The following LIMCH1 variants were observed in gnomAD, a reference collection of about 807,000 sequenced individuals.
The protein encoded by LIMCH1 is LIM and calponin homology domains 1, also known as LIM and calponin homology domains-containing protein 1.
A neutral mutation model predicts 176.5 loss-of-function variants in LIMCH1; 113 were observed. The observed-to-expected ratio is 0.64, with a 90% CI of 0.55 to 0.75. The LOEUF is 0.75. Ranked by LOEUF, LIMCH1 falls within the 30% of genes least tolerant of loss-of-function variation. The pLI is 0.00. For missense variants in LIMCH1, 1,674 were observed against 1,814.9 expected (o/e 0.92, Z 1.41); for synonymous variants, 619 against 645.9 (o/e 0.96, Z 0.63).
At chr4:41,440,136 CT>C (rs2062549917) in intron 1 of LIMCH1, among the ~76,000 whole-genome samples, 1 of 152,096 alleles carries the variant, frequency 6.6e-6, no homozygotes, top group South Asian at 2.1e-4. Context: ...ATTAAATAAA[CT>C]TGAGCATTAA....
At chr4:41,492,139 G>A (rs767522060) in intron 1 of LIMCH1, among the ~76,000 whole-genome samples, 9 of 152,202 alleles carry the variant, frequency 5.9e-5, no homozygotes, top group East Asian at 1.9e-4. Context: ...GCGAGACTCC[G>A]TCTGCAATCC....
At chr4:41,390,285 C>G (rs553842258) in intron 1 of LIMCH1, among the ~76,000 whole-genome samples, 1 of 142,414 alleles carries the variant, frequency 7.0e-6, no homozygotes, top group South Asian at 2.3e-4. Context: ...CGAGAGCGCT[C>G]CTCATGCTGG....
intron 2 of LIMCH1, among the ~76,000 whole-genome samples, chr4:41,511,756 T>A (rs555365640): frequency 6.6e-6 from 1 of 152,352 alleles, no homozygotes; most frequent in Admixed American, 6.5e-5. Context: ...AGTAAAATGC[T>A]ACAATTTTAA....
Position 41,360,800 on chromosome 4 carries a change from C to A in LIMCH1, c.-41C>A. The A allele has an allele frequency of 1.4e-6, 2 of 1,460,478 alleles. No individual in the cohort carries two copies. The highest frequency in any genetic ancestry group is 1.8e-6 in the Non-Finnish European group (2 of 1,090,894). The allele number at this position is 1,460,478 out of a possible 1,614,324, so 90.5% of individuals were successfully genotyped here. A position where few individuals can be genotyped will look rare whatever the true frequency, so the allele number is the denominator to read the frequency against. On this transcript the variant is annotated 5_prime_UTR_variant, in exon 1 of 27. Transcript: ENST00000313860. This position sits in a 1 kb window ranked among gnomAD's most constrained non-coding sequence, Gnocchi z 4.5. ...CTCCTGCGGCGGCGACGGCGGCGGC[C>A]GTCCTCATCCCGGCGCTTGAGAGGA...
chr4:41,679,907 T>A, intron 23 of LIMCH1, 99 bp from the exon 24 acceptor site: 1 of 680,576 alleles, frequency 1.5e-6, no homozygotes, highest in East Asian at 2.9e-5. Flanking sequence ...AAGAAGAAGA[T>A]AATCTTGCAA....
At chr4:41,565,414 CAT>C (rs540044783) in intron 1 of LIMCH1, among the ~76,000 whole-genome samples, 579 of 147,772 alleles carry the variant, frequency 3.9e-3, no homozygotes, top group Middle Eastern at 0.018. Flanking sequence ...CACACACACA[CAT>C]ATATATGATA....
intron 1 of LIMCH1, among the ~76,000 whole-genome samples, chr4:41,402,047 T>G (rs1333968587): frequency 6.6e-6 from 1 of 152,184 alleles, no homozygotes; most frequent in Non-Finnish European, 1.5e-5. Context: ...CTAATTGCCC[T>G]GGCCAGAACT....
chr4:41,533,182 A>T (rs2077509253), upstream of LIMCH1, among the ~76,000 whole-genome samples: 9 of 152,170 alleles, frequency 5.9e-5, no homozygotes. Context: ...AAAGAAAGAG[A>T]AAGGGAGGGA....
chr4:41,661,608 G>A (rs2094623199), intron 19 of LIMCH1, 98 bp downstream of exon 19: 1 of 853,242 alleles, frequency 1.2e-6, no homozygotes, highest in Non-Finnish European at 1.9e-6. Context: ...CCACAGGAAA[G>A]TAGTAATTAG....
At chr4:41,534,894 G>A (rs1397803106), upstream of LIMCH1, among the ~76,000 whole-genome samples, 1 of 152,098 alleles carries the variant, frequency 6.6e-6, no homozygotes, top group Non-Finnish European at 1.5e-5. Flanking sequence ...CGGTGCAGTG[G>A]CTCATGCCTA....
At chr4:41,626,030 AAAG>A (rs1237073683) in intron 7 of LIMCH1, among the ~76,000 whole-genome samples, 2 of 152,108 alleles carry the variant, frequency 1.3e-5, no homozygotes, top group East Asian at 3.9e-4. Flanking sequence ...AAAAAAAGAA[AAAG>A]AAGAGAGGTG....
intron 1 of LIMCH1, among the ~76,000 whole-genome samples, chr4:41,414,341 A>G (rs949667033): frequency 6.6e-6 from 1 of 152,152 alleles, no homozygotes; most frequent in Non-Finnish European, 1.5e-5. Flanking sequence ...ACTGAAGTTG[A>G]TTATCTTAAA....
upstream of LIMCH1, among the ~76,000 whole-genome samples, chr4:41,536,165 A>G (rs183750289): frequency 2.0e-5 from 3 of 152,320 alleles, no homozygotes; most frequent in Admixed American, 2.0e-4. Context: ...AATTCTTAGC[A>G]TGTATTCCAA....
chr4:41,634,767 A>G (rs1290792929), intron 13 of LIMCH1, among the ~76,000 whole-genome samples: 3 of 152,178 alleles, frequency 2.0e-5, no homozygotes, highest in Admixed American at 6.5e-5. Flanking sequence ...GAAGGAATCT[A>G]TGTTAGCTCC....
chr4:41,360,442 G>A (rs2051822693), upstream of LIMCH1, among the ~76,000 whole-genome samples: 1 of 152,124 alleles, frequency 6.6e-6, no homozygotes, highest in Admixed American at 6.5e-5. This position sits in a 1 kb window ranked among gnomAD's most constrained non-coding sequence, Gnocchi z 4.5. Flanking sequence ...CGGGGCGCAG[G>A]GACGTGCGGG....
chr4:41,459,711 T>C (rs939388189), intron 1 of LIMCH1, among the ~76,000 whole-genome samples: 3 of 152,024 alleles, frequency 2.0e-5, no homozygotes, highest in Non-Finnish European at 1.5e-5. Flanking sequence ...AGATTAACAA[T>C]AGCAAGAAGC....
chr4:41,434,591 A>C (rs2061900312), intron 1 of LIMCH1, among the ~76,000 whole-genome samples: 2 of 152,118 alleles, frequency 1.3e-5, no homozygotes, highest in African/African-American at 4.8e-5. Context: ...ATCTTGGCTC[A>C]CTGCCACCTC....
intron 1 of LIMCH1, among the ~76,000 whole-genome samples, chr4:41,398,403 A>G (rs1274108491): frequency 6.6e-6 from 1 of 152,146 alleles, no homozygotes; most frequent in Non-Finnish European, 1.5e-5. Context: ...TCCGTCATCC[A>G]ACTGAGTTTT....
intron 4 of LIMCH1, chr4:41,612,873 CT>C (rs1361789437): frequency 1.4e-6 from 1 of 708,198 alleles, no homozygotes; most frequent in Non-Finnish European, 1.9e-6. Context: ...TTTTTTTTAA[CT>C]TTTGCCTCAG....
Sources: allele counts gnomAD v4.1 joint callset (sites outside exome capture counted in the v4.1 genomes callset), GRCh38; gene constraint gnomAD v4.1.1; non-coding constraint Gnocchi (gnomAD v3.1); transcripts MANE v1.5; gene names NCBI Gene and HGNC (gene_info 2026-07-23, HGNC 2026-07-21).